DSCAML1: variants seen among roughly 807,000 people sequenced by gnomAD.
DSCAML1 encodes the protein DS cell adhesion molecule like 1.
DSCAML1 carries 38 observed loss-of-function variants against 200.5 expected under a neutral mutation model. The ratio of observed to expected loss-of-function variants is 0.19; its 90% confidence interval spans 0.15 to 0.25. DSCAML1 has a LOEUF of 0.25. Among genes scored for constraint, DSCAML1 ranks in the 10% least tolerant of loss-of-function variants. The pLI is 1.00. For missense variants in DSCAML1, 2,223 were observed against 2,858.8 expected, an observed-to-expected ratio of 0.78 and a Z score of 5.07; for synonymous variants, 1,215 against 1,165.0, an observed-to-expected ratio of 1.04 and a Z score of -0.87.
At chr11:117,431,471 T>G in intron 31 of DSCAML1, 63 bp downstream of exon 31, 3 of 1,414,524 alleles carry the variant, frequency 2.1e-6, no homozygotes, top group East Asian at 2.4e-5. Flanking sequence ...GAATAGAAGG[T>G]GAAGGTGAAT....
rs756344515 is a variant in DSCAML1 at position 117,428,294 on chromosome 11, C to T, written c.*34G>A. The T allele has an allele frequency of 5.8e-5, 71 of 1,225,130 alleles. 1 individual carries two copies. The highest frequency in any genetic ancestry group is 3.0e-4 in the South Asian group (24 of 79,094). 75.9% of individuals were successfully genotyped at this position (1,225,130 alleles called of 1,614,324 possible). On this transcript the variant is annotated 3_prime_UTR_variant, in exon 33 of 33. Transcript: ENST00000651296. ...GCTGGCGTGTGGGGCTGCGGCGCGGCGCGGTCCAGGCGTGGCTGCTCTTCC... is the reference window on the plus strand; with the variant it reads ...GCTGGCGTGTGGGGCTGCGGCGCGGTGCGGTCCAGGCGTGGCTGCTCTTCC...
chr11:117,642,526 G>C lies in DSCAML1; in HGVS notation c.512-110004C>G, dbSNP rs1327305844. 6.6e-6 allele frequency among the ~76,000 whole-genome samples: 1 copy of C among 152,226 alleles called. No homozygotes were observed. Among genetic ancestry groups the C allele is most frequent in the African/African-American group, 2.4e-5 (1 of 41,450 alleles). Reference sequence around the variant, plus strand: ...AAAGCCACAAAGGTGGCTGCTGGGAGAGCAGGGGCACCAGGTGCCTGGCGA... The same window carrying C: ...AAAGCCACAAAGGTGGCTGCTGGGACAGCAGGGGCACCAGGTGCCTGGCGA... On this transcript the variant is annotated intron_variant, in intron 3 of 32. Coordinates refer to ENST00000651296, the MANE Select transcript of DSCAML1 (RefSeq NM_020693.4). The surrounding 1 kb of genome is among the most constrained non-coding windows in gnomAD (Gnocchi z 4.1).
intron 3 of DSCAML1, among the ~76,000 whole-genome samples, chr11:117,594,171 G>T (rs1416669983): frequency 6.6e-6 from 1 of 152,172 alleles, no homozygotes; most frequent in African/African-American, 2.4e-5. Flanking sequence ...TCCAAGGGAG[G>T]TGCACAGATA....
rs147370620 is a variant in DSCAML1, at chr11:117,808,263, G to A, written c.-250+9127C>T. 5.1e-3 allele frequency among the ~76,000 whole-genome samples: 775 copies of A among 152,350 alleles called. 5 individuals are homozygous for A. Among genetic ancestry groups the A allele is most frequent in the African/African-American group, 0.017 (724 of 41,582 alleles). ...AGGCACTAAATGACAGAGCCATTAAGTGACAAAATATAGAATTAGAAGGCC... is the reference window on the plus strand; with the variant it reads ...AGGCACTAAATGACAGAGCCATTAAATGACAAAATATAGAATTAGAAGGCC... On this transcript the variant is annotated intron_variant, in intron 1 of 2. Coordinates refer to the DSCAML1 transcript ENST00000525836.
chr11:117,520,995 T>G, intron 6 of DSCAML1, 135 bp downstream of exon 6: 2 of 1,189,606 alleles, frequency 1.7e-6, no homozygotes, highest in Non-Finnish European at 2.4e-6. Flanking sequence ...GCCCTTAGGG[T>G]GAGATGGTGC....
Position 117,431,720 on chromosome 11 carries a change from A to C in DSCAML1, c.5188T>G (p.Ser1730Ala). Reference sequence around the variant, plus strand: ...TGGGCTGACTTCACATTCTTCCTGGACACTGGATCTGCACAGACAGAAGCA... The same window carrying C: ...TGGGCTGACTTCACATTCTTCCTGGCCACTGGATCTGCACAGACAGAAGCA... ...SDIRPGTNPV[S>A]RKNVKSAHST... The change falls in exon 31 of 33, where the codon TCC (serine) becomes GCC (alanine). Residue 1730 changes from serine (S) to alanine (A), a missense_variant. Ser to Ala is a moderately conservative substitution (Grantham distance 99). This residue lies in a region of DSCAML1 where 614 missense variants were observed against 739.1 expected (regional missense o/e 0.83). Transcript: ENST00000651296. 6.3e-7 allele frequency: 1 copy of C among 1,579,412 alleles called. No homozygotes were observed.
At chr11:117,495,479 C>T (rs547889298) in intron 11 of DSCAML1, among the ~76,000 whole-genome samples, 36 of 152,180 alleles carry the variant, frequency 2.4e-4, no homozygotes, top group African/African-American at 7.7e-4. Context: ...GGCTTCTAGG[C>T]GAATCTGCAC....
chr11:117,444,294 C>T (rs1284191316), intron 20 of DSCAML1, among the ~76,000 whole-genome samples: 1 of 152,218 alleles, frequency 6.6e-6, no homozygotes, highest in Non-Finnish European at 1.5e-5. Context: ...CTGATCCACG[C>T]TCTGGCAGCT....
intron 3 of DSCAML1, among the ~76,000 whole-genome samples, chr11:117,640,937 A>G (rs928890483): frequency 6.6e-6 from 1 of 152,220 alleles, no homozygotes; most frequent in Non-Finnish European, 1.5e-5. Context: ...CCATGAGCAC[A>G]TATGTCTGTG....
intron 3 of DSCAML1, among the ~76,000 whole-genome samples, chr11:117,574,237 G>A (rs999091513): frequency 7.2e-5 from 11 of 152,202 alleles, no homozygotes; most frequent in Admixed American, 2.0e-4. Context: ...TTAGAGGCAG[G>A]GGAAGGAGCA....
intron 3 of DSCAML1, among the ~76,000 whole-genome samples, chr11:117,582,244 G>A (rs1207504416): frequency 1.3e-5 from 2 of 152,210 alleles, no homozygotes; most frequent in Non-Finnish European, 2.9e-5. Flanking sequence ...TACAAGTCCA[G>A]AGGGACCTGG....
intron 3 of DSCAML1, among the ~76,000 whole-genome samples, chr11:117,583,153 A>C (rs608093): frequency 0.94 from 142,628 of 151,958 alleles, 67,079 homozygotes; most frequent in African/African-American, 0.99. Context: ...CCGCATGCTG[A>C]TGGGCGGGGC....
intron 3 of DSCAML1, among the ~76,000 whole-genome samples, chr11:117,662,242 C>T (rs2052870496): frequency 6.6e-6 from 1 of 152,188 alleles, no homozygotes; most frequent in African/African-American, 2.4e-5. Flanking sequence ...CCCAAGTATT[C>T]AGAGAAGAGA....
At chr11:117,641,985 T>C (rs993666345) in intron 3 of DSCAML1, among the ~76,000 whole-genome samples, 1 of 152,138 alleles carries the variant, frequency 6.6e-6, no homozygotes, top group Non-Finnish European at 1.5e-5. Flanking sequence ...AGCTATGTCT[T>C]CTGCCACCAA....
At chr11:117,809,357 C>T (rs2055736691) in intron 1 of DSCAML1, among the ~76,000 whole-genome samples, 1 of 152,248 alleles carries the variant, frequency 6.6e-6, no homozygotes, top group Admixed American at 6.5e-5. Flanking sequence ...GTGCCTGACT[C>T]CTTGGGCGTG....
chr11:117,691,292 G>C (rs2053490049), intron 3 of DSCAML1, among the ~76,000 whole-genome samples: 1 of 152,128 alleles, frequency 6.6e-6, no homozygotes, highest in Non-Finnish European at 1.5e-5. Context: ...GAGTAACAGG[G>C]ACCCTGGAGC....
intron 3 of DSCAML1, among the ~76,000 whole-genome samples, chr11:117,750,084 T>C (rs2137864828): frequency 6.6e-6 from 1 of 152,330 alleles, no homozygotes; most frequent in Middle Eastern, 3.4e-3. Flanking sequence ...CCTATAGGGT[T>C]GTGTAGCCTT....
At chr11:117,633,626 C>T (rs2052219473) in intron 3 of DSCAML1, among the ~76,000 whole-genome samples, 1 of 152,234 alleles carries the variant, frequency 6.6e-6, no homozygotes, top group East Asian at 1.9e-4. Flanking sequence ...CTCAATCCTT[C>T]AGCATGTGGG....
intron 3 of DSCAML1, among the ~76,000 whole-genome samples, chr11:117,582,992 A>ATATTATTATTATTATTATTAT (rs6144528): frequency 0.011 from 1,599 of 145,138 alleles, 14 homozygotes; most frequent in Middle Eastern, 0.018. Context: ...GGAGACAGGG[A>ATATTATTATTATTATTATTAT]TATTATTATT....
Sources: gnomAD v4.1 joint callset for allele counts (sites outside exome capture counted in the v4.1 genomes callset) on GRCh38, gnomAD v4.1.1 for gene constraint, gnomAD v4.1.1 regional missense constraint, Gnocchi (gnomAD v3.1) non-coding constraint, MANE v1.5 for transcripts, NCBI Gene and HGNC (gene_info 2026-07-23, HGNC 2026-07-21) for gene names.